The following DMD variants were observed in gnomAD, a reference collection of about 807,000 sequenced individuals.
DMD encodes dystrophin.
A neutral mutation model predicts 330.1 loss-of-function variants in DMD; 63 were observed. The ratio of observed to expected loss-of-function variants is 0.19; its 90% CI spans 0.16 to 0.24. The LOEUF is 0.24. Among genes scored for constraint, DMD ranks in the 10% least tolerant of loss-of-function variants. The pLI, the probability that DMD is intolerant of heterozygous loss-of-function variation, is 1.00. For synonymous variants in DMD, 1,223 were observed against 959.8 expected (o/e 1.27, Z -5.07); for missense variants, 3,344 against 2,684.1 (o/e 1.25, Z -5.43).
intron 2 of DMD, among the ~76,000 whole-genome samples, chrX:33,001,888 T>C (rs2093287300): frequency 9.0e-6 from 1 of 111,476 alleles, no homozygotes. Flanking sequence ...ACCTTTTTAA[T>C]TCTCTTTTAA....
At chrX:31,408,201 A>C (rs755470563) in intron 60 of DMD, among the ~76,000 whole-genome samples, 1 of 111,206 alleles carries the variant, frequency 9.0e-6, no homozygotes, top group Non-Finnish European at 1.9e-5. Flanking sequence ...GTGAGGCCAC[A>C]CTCATCAGGT....
At chrX:33,156,758 G>T (rs1240061925) in intron 1 of DMD, among the ~76,000 whole-genome samples, 1 of 111,471 alleles carries the variant, frequency 9.0e-6, no homozygotes, top group Non-Finnish European at 1.9e-5. Flanking sequence ...ACTTCCTCGG[G>T]TAAGTCTACA....
At chrX:31,385,061 C>T in intron 60 of DMD, among the ~76,000 whole-genome samples, 1 of 112,027 alleles carries the variant, frequency 8.9e-6, no homozygotes, top group Middle Eastern at 4.6e-3. Context: ...CAAAAATTGC[C>T]CATTTCTCCT....
At chrX:32,284,641 T>G (rs183649491) in intron 43 of DMD, among the ~76,000 whole-genome samples, 9 of 112,069 alleles carry the variant, frequency 8.0e-5, no homozygotes, top group African/African-American at 2.3e-4. Flanking sequence ...ATTCTTATCC[T>G]ATTTTATACA....
chrX:33,203,604 C>G (rs998954996), intron 1 of DMD, among the ~76,000 whole-genome samples: 90 of 110,067 alleles, frequency 8.2e-4, no homozygotes, highest in Non-Finnish European at 1.1e-4. Flanking sequence ...AGGAACAGAC[C>G]TCTTTATGGA....
At chrX:32,437,520 G>A (rs1230156958) in intron 29 of DMD, among the ~76,000 whole-genome samples, 2 of 111,190 alleles carry the variant, frequency 1.8e-5, no homozygotes, top group African/African-American at 6.6e-5. Context: ...TTTATGTCTT[G>A]CACATTCTAG....
At chrX:31,216,148 T>A (rs1295455187) in intron 64 of DMD, among the ~76,000 whole-genome samples, 1 of 112,190 alleles carries the variant, frequency 8.9e-6, no homozygotes, top group Non-Finnish European at 1.9e-5. Flanking sequence ...TGAGAAATGA[T>A]AAACTGACGA....
intron 34 of DMD, among the ~76,000 whole-genome samples, chrX:32,371,953 G>C (rs1214075937): frequency 9.0e-6 from 1 of 111,359 alleles, no homozygotes; most frequent in African/African-American, 3.3e-5. Context: ...TTGTGAATAA[G>C]TAGCTTTTTG....
At chrX:32,920,230 C>T (rs1407153346) in intron 2 of DMD, among the ~76,000 whole-genome samples, 1 of 111,424 alleles carries the variant, frequency 9.0e-6, no homozygotes, top group Non-Finnish European at 1.9e-5. Context: ...GTATTATGTA[C>T]ATTTTTTAAA....
intron 41 of DMD, among the ~76,000 whole-genome samples, chrX:32,333,904 C>A (rs376055742): frequency 3.9e-4 from 44 of 111,715 alleles, no homozygotes; most frequent in Non-Finnish European, 7.7e-4. Flanking sequence ...TCATGGCACA[C>A]AGAGGGAAGA....
intron 55 of DMD, among the ~76,000 whole-genome samples, chrX:31,515,671 G>T (rs1185030020): frequency 3.6e-5 from 4 of 111,972 alleles, no homozygotes; most frequent in Non-Finnish European, 5.6e-5. Flanking sequence ...GAATCAGAAA[G>T]GTGTAAAAGG....
chrX:32,361,550 G>A (rs1334274066), intron 37 of DMD, among the ~76,000 whole-genome samples: 1 of 111,582 alleles, frequency 9.0e-6, no homozygotes, highest in East Asian at 2.8e-4. Context: ...TTGGGAAGGT[G>A]AATTTTGAAG....
At chrX:33,313,961 C>A (rs1177216140) in intron 1 of DMD, among the ~76,000 whole-genome samples, 3 of 109,801 alleles carry the variant, frequency 2.7e-5, no homozygotes, top group African/African-American at 9.9e-5. Flanking sequence ...TTAAAGGAAG[C>A]TAGAACAGAA....
chrX:31,161,918 G>A (rs1171952332), intron 74 of DMD, among the ~76,000 whole-genome samples: 1 of 110,319 alleles, frequency 9.1e-6, no homozygotes, highest in Non-Finnish European at 1.9e-5. Context: ...CTCATTCCAA[G>A]CCACACATTA....
chrX:31,187,499 G>A (rs2041880782), intron 67 of DMD, among the ~76,000 whole-genome samples: 1 of 111,704 alleles, frequency 9.0e-6, no homozygotes, highest in African/African-American at 3.3e-5. Context: ...GCTCACACAC[G>A]GTTCCTACTC....
chrX:31,392,985 AAAGGTTGAGGATAAC>A (rs1389892973), intron 60 of DMD, among the ~76,000 whole-genome samples: 2 of 112,212 alleles, frequency 1.8e-5, no homozygotes, highest in Non-Finnish European at 3.8e-5. Context: ...CTCTGAGCCA[AAAGGTTGAGGATAAC>A]AAGGTACCTC....
intron 16 of DMD, among the ~76,000 whole-genome samples, chrX:32,553,407 G>A (rs2049808779): frequency 9.1e-6 from 1 of 110,239 alleles, no homozygotes; most frequent in African/African-American, 3.3e-5. Context: ...GGTGGTCTAT[G>A]TGAGGCTGGA....
intron 44 of DMD, among the ~76,000 whole-genome samples, chrX:32,186,769 C>T (rs141012308): frequency 1.9e-3 from 209 of 111,202 alleles, no homozygotes; most frequent in African/African-American, 6.4e-3. Context: ...TATGATATCT[C>T]TGCTTCTGAA....
At chrX:32,400,561 C>A (rs2098079343) in intron 30 of DMD, among the ~76,000 whole-genome samples, 1 of 110,583 alleles carries the variant, frequency 9.0e-6, no homozygotes, top group African/African-American at 3.3e-5. Context: ...ACCTCTGCAG[C>A]CAAAAAACAC....
Sources: gnomAD v4.1 joint callset for allele counts (sites outside exome capture counted in the v4.1 genomes callset) on GRCh38, gnomAD v4.1.1 for gene constraint, MANE v1.5 for transcripts, NCBI Gene and HGNC (gene_info 2026-07-23, HGNC 2026-07-21) for gene names.